Variants in TSC22D1 observed in about 807,000 individuals in gnomAD.
TSC22D1 encodes the protein TSC22 domain family protein 1.
Under a neutral mutation model 74.2 loss-of-function variants are expected in TSC22D1, and 9 were observed. The observed-to-expected ratio is 0.12, with a 90% CI of 0.07 to 0.21. The LOEUF (loss-of-function observed/expected upper bound fraction) is 0.21, where lower values mean the gene tolerates loss of function less well. TSC22D1 is among the 10% of genes least tolerant of loss of function. The pLI is 1.00. For synonymous variants in TSC22D1, 586 were observed against 492.5 expected (o/e 1.19, Z -2.51); for missense variants, 1,427 against 1,304.7 (o/e 1.09, Z -1.44).
intron 1 of TSC22D1, among the ~76,000 whole-genome samples, chr13:44,468,598 C>A (rs1273197609): frequency 6.7e-6 from 1 of 149,674 alleles, no homozygotes; most frequent in Non-Finnish European, 1.5e-5. Context: ...CTTCCACCTG[C>A]AACAAACCAA....
intron 1 of TSC22D1, chr13:44,539,831 G>A: frequency 7.8e-7 from 1 of 1,289,638 alleles, no homozygotes. Flanking sequence ...GTTCAGTGGA[G>A]AAAGTGGACC....
intron 1 of TSC22D1, among the ~76,000 whole-genome samples, chr13:44,470,338 G>A (rs1406868875): frequency 6.6e-6 from 1 of 152,108 alleles, no homozygotes; most frequent in Non-Finnish European, 1.5e-5. Context: ...ACTGCTTGTT[G>A]TATCACCAAT....
Position 44,433,815 on chromosome 13 carries a change from T to C in TSC22D1, c.*811A>G. 1 of 593,454 alleles carries C rather than the reference T, an allele frequency of 1.7e-6. No individual in the cohort carries two copies. The highest frequency in any genetic ancestry group is 2.7e-5 in the South Asian group (1 of 36,728). The allele number at this position is 593,454 out of a possible 1,614,324, so 36.8% of individuals were successfully genotyped here. ...GTAACTGTGCCAAATTCTTAAAATTTCTTTAGGTGTGGTTTTTGTCATGTA... is the reference window on the plus strand; with the variant it reads ...GTAACTGTGCCAAATTCTTAAAATTCCTTTAGGTGTGGTTTTTGTCATGTA... On this transcript the variant is annotated 3_prime_UTR_variant, in exon 3 of 3. Coordinates refer to ENST00000458659, the MANE Select transcript of TSC22D1 (RefSeq NM_183422.4).
chr13:44,569,891 C>T (rs942108498), intron 1 of TSC22D1, among the ~76,000 whole-genome samples: 2 of 152,060 alleles, frequency 1.3e-5, no homozygotes, highest in African/African-American at 4.8e-5. Flanking sequence ...CATCCCTGCC[C>T]TTGAGGAACA....
At chr13:44,572,111 A>G (rs1381658473) in intron 1 of TSC22D1, among the ~76,000 whole-genome samples, 1 of 152,194 alleles carries the variant, frequency 6.6e-6, no homozygotes, top group Non-Finnish European at 1.5e-5. Flanking sequence ...TCCAAATTCC[A>G]CCGTGAAAAT....
chr13:44,566,604 T>C (rs1414716476), intron 1 of TSC22D1, among the ~76,000 whole-genome samples: 2 of 152,204 alleles, frequency 1.3e-5, no homozygotes, highest in Non-Finnish European at 1.5e-5. Context: ...TACAGTATTC[T>C]ACCATTGAAA....
chr13:44,457,277 G>A (rs1190126637), intron 1 of TSC22D1, among the ~76,000 whole-genome samples: 2 of 152,182 alleles, frequency 1.3e-5, no homozygotes, highest in Non-Finnish European at 2.9e-5. Context: ...GCAAAATTAT[G>A]TTTTGCTATT....
rs1159272107 is a variant in TSC22D1, at chr13:44,434,495, C to T, written c.*131G>A. On this transcript the variant is annotated 3_prime_UTR_variant, in exon 3 of 3. Coordinates refer to ENST00000458659, the MANE Select transcript of TSC22D1 (RefSeq NM_183422.4). Reference sequence around the variant, plus strand: ...TTTAATACTGGAAAAGAGATAATGGCATATGTCAGTCTCACGTCTCTTTCG... The same window carrying T: ...TTTAATACTGGAAAAGAGATAATGGTATATGTCAGTCTCACGTCTCTTTCG... 1 of 1,414,732 alleles carries T rather than the reference C, an allele frequency of 7.1e-7. No homozygotes were observed. The highest frequency in any genetic ancestry group is 1.5e-5 in the African/African-American group (1 of 68,926). The allele number at this position is 1,414,732 out of a possible 1,614,324, so 87.6% of individuals were successfully genotyped here. A position where few individuals can be genotyped will look rare whatever the true frequency, so the allele number is the denominator to read the frequency against.
chr13:44,531,050 C>T (rs779360268), intron 1 of TSC22D1, among the ~76,000 whole-genome samples: 4 of 152,106 alleles, frequency 2.6e-5, no homozygotes, highest in African/African-American at 4.8e-5. Flanking sequence ...ATGGTGAATA[C>T]GTGACATGTA....
At position 44,575,353 on chromosome 13, in the gene TSC22D1, T is replaced by A. The variant is rs778023647; in HGVS notation, c.722A>T (p.His241Leu). 4 of 1,612,574 alleles carry A rather than the reference T, an allele frequency of 2.5e-6. No individual in the cohort carries two copies. The highest frequency in any genetic ancestry group is 3.4e-6 in the Non-Finnish European group (4 of 1,178,794). Residue 241 changes from histidine (H) to leucine (L), a missense_variant, in exon 1 of 3, where the codon CAT becomes CTT. This residue lies in a region of TSC22D1 where 1,343 missense variants were observed against 1,191.5 expected (regional missense o/e 1.13). Coordinates refer to ENST00000458659, the MANE Select transcript of TSC22D1 (RefSeq NM_183422.4). ...AATGGATGCACTGGCCACAGCAACA[T>A]GAGATGGATGGTGGTGACCATGTTG... is the stretch of plus-strand genomic sequence containing the variant. ...HLQHGHHHPS[H>L]VAVASASITG...
intron 1 of TSC22D1, among the ~76,000 whole-genome samples, chr13:44,552,645 A>G (rs964799499): frequency 1.3e-5 from 2 of 152,220 alleles, no homozygotes; most frequent in Non-Finnish European, 1.5e-5. Context: ...ACACTCTCAC[A>G]TGACAATAAT....
intron 1 of TSC22D1, chr13:44,537,145 A>G: frequency 1.1e-6 from 1 of 880,878 alleles, no homozygotes; most frequent in Non-Finnish European, 1.4e-6. Flanking sequence ...AAATTATCAC[A>G]TAATACAGAT....
chr13:44,544,142 G>A (rs1169714172), intron 1 of TSC22D1, among the ~76,000 whole-genome samples: 1 of 151,886 alleles, frequency 6.6e-6, no homozygotes, highest in East Asian at 1.9e-4. Flanking sequence ...CTCTTTTTGG[G>A]GTCGTCAACT....
chr13:44,443,254 T>C (rs1189766654), intron 1 of TSC22D1, among the ~76,000 whole-genome samples: 2 of 151,882 alleles, frequency 1.3e-5, no homozygotes, highest in African/African-American at 4.8e-5. Flanking sequence ...ATAGCCGACT[T>C]CTGGTTGGAA....
intron 1 of TSC22D1, among the ~76,000 whole-genome samples, chr13:44,517,398 G>C (rs1013277145): frequency 1.3e-5 from 2 of 151,126 alleles, no homozygotes; most frequent in African/African-American, 4.9e-5. Flanking sequence ...GTAAAGATTA[G>C]AAAAAATAAA....
At chr13:44,485,424 C>G (rs922941096) in intron 1 of TSC22D1, among the ~76,000 whole-genome samples, 1 of 151,982 alleles carries the variant, frequency 6.6e-6, no homozygotes, top group African/African-American at 2.4e-5. Flanking sequence ...AAACTTTGTA[C>G]AAGGTTATTA....
chr13:44,539,043 AC>A, intron 1 of TSC22D1: 1 of 985,312 alleles, frequency 1.0e-6, no homozygotes, highest in Non-Finnish European at 1.2e-6. Flanking sequence ...ATCAAATCCT[AC>A]CCTTGGCATC....
At chr13:44,518,990 G>C (rs1242219406) in intron 1 of TSC22D1, among the ~76,000 whole-genome samples, 1 of 152,128 alleles carries the variant, frequency 6.6e-6, no homozygotes, top group Non-Finnish European at 1.5e-5. Flanking sequence ...TTTCAGTTTT[G>C]AAAGGCCTGA....
chr13:44,449,403 T>C (rs761965280), intron 1 of TSC22D1, among the ~76,000 whole-genome samples: 2 of 152,246 alleles, frequency 1.3e-5, no homozygotes, highest in Non-Finnish European at 2.9e-5. Flanking sequence ...CCTCAAGAGC[T>C]GTGAGAAGAC....
Sources: allele counts gnomAD v4.1 joint callset (sites outside exome capture counted in the v4.1 genomes callset), GRCh38; gene constraint gnomAD v4.1.1; regional missense constraint gnomAD v4.1.1; transcripts MANE v1.5; gene names NCBI Gene and HGNC (gene_info 2026-07-23, HGNC 2026-07-21).